Variants in RHEB observed in about 807,000 individuals in gnomAD.
RHEB encodes the protein GTP-binding protein Rheb.
RHEB carries 2 observed loss-of-function variants against 28.8 expected under a neutral mutation model. The observed-to-expected ratio is 0.07, with a 90% CI of 0.03 to 0.22. RHEB has a LOEUF of 0.22. Ranked by LOEUF, RHEB falls within the 10% of genes least tolerant of loss-of-function variation. The pLI is 1.00. For synonymous variants in RHEB, 69 were observed against 77.3 expected (o/e 0.89, Z 0.56); for missense variants, 76 against 219.9 (o/e 0.35, Z 4.14).
At chr7:151,467,604 C>G (rs1179440551) in intron 7 of RHEB, among the ~76,000 whole-genome samples, 3 of 152,322 alleles carry the variant, frequency 2.0e-5, no homozygotes, top group East Asian at 3.9e-4. Flanking sequence ...ACTCTCCCAG[C>G]AGCCCTTGCC....
intron 1 of RHEB, among the ~76,000 whole-genome samples, chr7:151,510,451 G>C (rs1392120966): frequency 6.6e-6 from 1 of 152,138 alleles, no homozygotes; most frequent in Non-Finnish European, 1.5e-5. Context: ...GCACCTACCC[G>C]AGTTTAAAGG....
intron 2 of RHEB, among the ~76,000 whole-genome samples, chr7:151,487,226 A>C (rs1296618239): frequency 3.9e-5 from 6 of 152,352 alleles, no homozygotes; most frequent in Admixed American, 3.9e-4. Context: ...TTTTAAGCCC[A>C]GGTATTCAAG....
chr7:151,503,744 C>T (rs985034337), intron 1 of RHEB, among the ~76,000 whole-genome samples: 2 of 149,500 alleles, frequency 1.3e-5, no homozygotes, highest in South Asian at 4.4e-4. Flanking sequence ...TGGTGAAATT[C>T]GTTGCTCTTG....
chr7:151,467,292 C>T (rs2150918443), intron 7 of RHEB, 81 bp from the exon 8 acceptor site: 2 of 1,024,532 alleles, frequency 2.0e-6, no homozygotes, highest in East Asian at 2.5e-5. Context: ...GGAGGGCGTG[C>T]CGCCTGCCCT....
intron 1 of RHEB, among the ~76,000 whole-genome samples, chr7:151,514,074 G>A (rs1025335896): frequency 1.3e-5 from 2 of 152,160 alleles, no homozygotes; most frequent in Admixed American, 1.3e-4. Context: ...TGGAATGAGT[G>A]AGTTCTTCTA....
intron 3 of RHEB, among the ~76,000 whole-genome samples, chr7:151,482,152 A>G (rs899447551): frequency 1.3e-5 from 2 of 152,234 alleles, no homozygotes; most frequent in African/African-American, 4.8e-5. Flanking sequence ...CTACAAAGAA[A>G]GAGCACAGCC....
intron 1 of RHEB, chr7:151,503,249 A>G (rs1310307432): frequency 2.5e-6 from 2 of 784,482 alleles, no homozygotes; most frequent in East Asian, 2.4e-5. Flanking sequence ...GGACAGGAAC[A>G]TGAGCTTATC....
chr7:151,470,439 G>A (rs1365558233), intron 7 of RHEB, 132 bp downstream of exon 7: 1 of 574,220 alleles, frequency 1.7e-6, no homozygotes, highest in African/African-American at 1.9e-5. Flanking sequence ...CACAAAACTT[G>A]GTATTAGAAA....
At chr7:151,469,302 T>C (rs1272462478) in intron 7 of RHEB, among the ~76,000 whole-genome samples, 1 of 152,160 alleles carries the variant, frequency 6.6e-6, no homozygotes, top group Non-Finnish European at 1.5e-5. Flanking sequence ...TGCTAAACAT[T>C]ATGAAGGATA....
intron 6 of RHEB, 84 bp downstream of exon 6, chr7:151,471,310 A>C: frequency 1.0e-6 from 1 of 953,524 alleles, no homozygotes. Flanking sequence ...TACAGCTAAA[A>C]ATATTCTTGA....
rs140236725 is a variant in RHEB, at chr7:151,501,951, A to C, written c.53-10937T>G. The C allele has an allele frequency of 9.6e-4, 670 of 695,678 alleles. 3 individuals carry two copies. The African/African-American group carries it at 0.011, about 11-fold the overall frequency. The allele number at this position is 695,678 out of a possible 1,614,324, so 43.1% of individuals were successfully genotyped here. On this transcript the variant is annotated intron_variant, in intron 1 of 7. Coordinates refer to ENST00000262187, the MANE Select transcript of RHEB (RefSeq NM_005614.4). ...ATCAAGAAGCTCATTAAGAGCTTGG[A>C]GGCGGGCTGGGCGCCGTGGCTCACG...
chr7:151,487,728 T>C (rs903927419), intron 2 of RHEB, among the ~76,000 whole-genome samples: 2 of 152,210 alleles, frequency 1.3e-5, no homozygotes, highest in South Asian at 2.1e-4. Flanking sequence ...TTTAACCTCA[T>C]GTCAAAGTGG....
At chr7:151,507,592 T>C (rs960195779) in intron 1 of RHEB, among the ~76,000 whole-genome samples, 4 of 152,182 alleles carry the variant, frequency 2.6e-5, no homozygotes, top group Non-Finnish European at 4.4e-5. Context: ...ACATGAATTA[T>C]CTCGCTTGTT....
At chr7:151,487,535 A>T (rs369700959) in intron 2 of RHEB, among the ~76,000 whole-genome samples, 37 of 152,286 alleles carry the variant, frequency 2.4e-4, no homozygotes, top group East Asian at 1.3e-3. Context: ...GAAAAAAAAA[A>T]AAATAAACAT....
intron 2 of RHEB, among the ~76,000 whole-genome samples, chr7:151,487,321 T>A (rs188148606): frequency 6.6e-6 from 1 of 152,006 alleles, no homozygotes; most frequent in Non-Finnish European, 1.5e-5. Flanking sequence ...AAATAAATTA[T>A]AAAATAAAGC....
chr7:151,519,220 C>T (rs1240895341), intron 1 of RHEB: 2 of 184,072 alleles, frequency 1.1e-5, no homozygotes, highest in East Asian at 1.5e-4. Context: ...GCCCTCCGCC[C>T]GGCCGCCACC....
Position 151,468,445 on chromosome 7 carries a change from C to A in RHEB, c.463-1234G>T, listed in dbSNP as rs566674425. Among the ~76,000 whole-genome samples, 60 of 152,298 alleles carry A rather than the reference C, an allele frequency of 3.9e-4. No individual in the cohort carries two copies. Among genetic ancestry groups the A allele is most frequent in the African/African-American group, 1.4e-3 (59 of 41,576 alleles). On this transcript the variant is annotated intron_variant, in intron 7 of 7. Coordinates refer to ENST00000262187, the MANE Select transcript of RHEB (RefSeq NM_005614.4). This position sits in a 1 kb window ranked among gnomAD's most constrained non-coding sequence, Gnocchi z 4.3. ...AACGCTGCCCAGGGAAAACACACAC[C>A]GCTCACTGCTGACCTCACACCCATG...
intron 1 of RHEB, chr7:151,502,205 C>T: frequency 2.1e-6 from 1 of 470,674 alleles, no homozygotes. Flanking sequence ...CACTGTACTC[C>T]AGCCTGGGCG....
chr7:151,478,663 T>C (rs1802317839), intron 3 of RHEB, among the ~76,000 whole-genome samples: 1 of 152,068 alleles, frequency 6.6e-6, no homozygotes, highest in Non-Finnish European at 1.5e-5. Flanking sequence ...GAGACGTAGT[T>C]TCCCTCTTGT....
Sources: allele counts gnomAD v4.1 joint callset (sites outside exome capture counted in the v4.1 genomes callset), GRCh38; gene constraint gnomAD v4.1.1; non-coding constraint Gnocchi (gnomAD v3.1); transcripts MANE v1.5; gene names NCBI Gene and HGNC (gene_info 2026-07-23, HGNC 2026-07-21).